ARHGEF7: variants seen among roughly 807,000 people sequenced by gnomAD.
ARHGEF7 encodes the protein Rho guanine nucleotide exchange factor 7, also known as PAK-interacting exchange factor beta.
ARHGEF7 carries 33 observed loss-of-function variants against 109.8 expected under a neutral mutation model. The observed-to-expected ratio is 0.30, with a 90% CI of 0.23 to 0.40. The LOEUF is 0.40. Ranked by LOEUF, ARHGEF7 falls within the 10% of genes least tolerant of loss-of-function variation. The pLI is 1.00. For missense variants in ARHGEF7, 938 were observed against 1,098.5 expected (o/e 0.85, Z 2.07); for synonymous variants, 458 against 424.6 (o/e 1.08, Z -0.97).
rs184252925 is a variant in ARHGEF7 at position 111,220,279 on chromosome 13, G to A, written c.670+2399G>A. ...CTCACCTTTGCCAAGGAGAGTTGAG[G>A]TTACAGAACTGCTAAGTGGGACGCA... On this transcript the variant is annotated intron_variant, in intron 5 of 21. Coordinates refer to ENST00000646102, the MANE Select transcript of ARHGEF7 (RefSeq NM_001354046.2). Among the ~76,000 whole-genome samples, 141 of 152,316 alleles carry A rather than the reference G, an allele frequency of 9.3e-4. 2 individuals carry two copies. The highest frequency in any genetic ancestry group is 6.2e-3 in the South Asian group (30 of 4,830).
At chr13:111,206,507 C>A (rs60237427) in intron 3 of ARHGEF7, among the ~76,000 whole-genome samples, 265 of 152,318 alleles carry the variant, frequency 1.7e-3, no homozygotes, top group African/African-American at 6.1e-3. Flanking sequence ...CACAGCTTGA[C>A]TTCTGAGGTT....
At chr13:111,126,018 G>C (rs924098902) in intron 1 of ARHGEF7, among the ~76,000 whole-genome samples, 2 of 152,208 alleles carry the variant, frequency 1.3e-5, no homozygotes, top group African/African-American at 2.4e-5. Context: ...CCAGGCCTCT[G>C]TTTACCTTGA....
chr13:111,298,686 A>G (rs1180332509), intron 19 of ARHGEF7, among the ~76,000 whole-genome samples: 1 of 152,184 alleles, frequency 6.6e-6, no homozygotes, highest in South Asian at 2.1e-4. Context: ...TATTCCCGAG[A>G]CATAGGTCAC....
chr13:111,204,067 G>T (rs2081487437), intron 2 of ARHGEF7, among the ~76,000 whole-genome samples: 1 of 152,186 alleles, frequency 6.6e-6, no homozygotes, highest in Non-Finnish European at 1.5e-5. Context: ...GGGGAGCCTG[G>T]CTGGGGACCT....
chr13:111,193,422 A>G (rs181521308), intron 2 of ARHGEF7, among the ~76,000 whole-genome samples: 2 of 151,902 alleles, frequency 1.3e-5, no homozygotes, highest in Non-Finnish European at 2.9e-5. Context: ...TTCTCCTTAC[A>G]CTTTGGCAGT....
chr13:111,191,096 G>C (rs149000049), intron 2 of ARHGEF7, among the ~76,000 whole-genome samples: 1,720 of 152,260 alleles, frequency 0.011, 17 homozygotes, highest in Non-Finnish European at 0.019. Context: ...AGGGGTGAAT[G>C]GTCATGCAGG....
At chr13:111,199,821 A>G (rs1022789187) in intron 2 of ARHGEF7, among the ~76,000 whole-genome samples, 2 of 152,156 alleles carry the variant, frequency 1.3e-5, no homozygotes, top group Admixed American at 6.5e-5. Flanking sequence ...GTGCCCAGGA[A>G]CAATCAGCCT....
At chr13:111,301,558 T>C (rs536882747) in intron 21 of ARHGEF7, 26 bp downstream of exon 21, 18 of 1,540,796 alleles carry the variant, frequency 1.2e-5, no homozygotes, top group East Asian at 4.6e-5. Flanking sequence ...TCTTTAAATC[T>C]TTTTTTTCTT....
intron 9 of ARHGEF7, among the ~76,000 whole-genome samples, chr13:111,271,231 G>T (rs139812736): frequency 6.6e-6 from 1 of 152,290 alleles, no homozygotes; most frequent in Non-Finnish European, 1.5e-5. Context: ...TGGTCCTGCT[G>T]TCCACAGAGT....
chr13:111,271,240 G>A (rs2092120375), intron 9 of ARHGEF7, among the ~76,000 whole-genome samples: 1 of 152,180 alleles, frequency 6.6e-6, no homozygotes, highest in Admixed American at 6.5e-5. Flanking sequence ...TGTCCACAGA[G>A]TGCTCACAGT....
intron 1 of ARHGEF7, chr13:111,153,692 A>G (rs1390367624): frequency 1.6e-6 from 2 of 1,281,660 alleles, no homozygotes; most frequent in Non-Finnish European, 2.0e-6. Context: ...AGGGGCAGAG[A>G]TTGGTGCAGC....
At chr13:111,182,271 G>C (rs1383484207) in intron 2 of ARHGEF7, 5 of 152,556 alleles carry the variant, frequency 3.3e-5, no homozygotes, top group Non-Finnish European at 7.3e-5. Flanking sequence ...CTTTTCCTCT[G>C]TACCTAATGG....
intron 9 of ARHGEF7, among the ~76,000 whole-genome samples, chr13:111,268,206 A>G (rs1290745879): frequency 6.6e-6 from 1 of 152,222 alleles, no homozygotes; most frequent in Non-Finnish European, 1.5e-5. Context: ...GATGTTTCTC[A>G]GCTGTTTCAG....
chr13:111,301,721 C>T (rs3742180), intron 21 of ARHGEF7, among the ~76,000 whole-genome samples, 189 bp downstream of exon 21: 23,490 of 152,060 alleles, frequency 0.15, 2,732 homozygotes, highest in East Asian at 0.68. Context: ...GGCAAAAACC[C>T]ATCTCTACTG....
At chr13:111,223,729 G>A (rs2084789892) in intron 5 of ARHGEF7, among the ~76,000 whole-genome samples, 1 of 152,156 alleles carries the variant, frequency 6.6e-6, no homozygotes, top group Non-Finnish European at 1.5e-5. Context: ...TCTAATGCTT[G>A]TGTCAAAAGC....
chr13:111,297,716 G>A (rs1227642627), intron 19 of ARHGEF7, among the ~76,000 whole-genome samples: 1 of 152,230 alleles, frequency 6.6e-6, no homozygotes, highest in Non-Finnish European at 1.5e-5. Context: ...CAGTGGACAC[G>A]TGGCTCATGG....
intron 19 of ARHGEF7, among the ~76,000 whole-genome samples, chr13:111,299,465 C>G (rs2093509236): frequency 6.6e-6 from 1 of 151,330 alleles, no homozygotes. Context: ...GCCTCAGCCT[C>G]CCGAGTAGCT....
In ARHGEF7 at chr13:111,211,073, C is replaced by T. The variant is rs185575408; in HGVS notation, c.468+1071C>T. Among the ~76,000 whole-genome samples, 6 of 152,296 alleles carry T rather than the reference C, an allele frequency of 3.9e-5. No individual in the cohort carries two copies. In the East Asian group the frequency reaches 1.2e-3, roughly 29 times the overall value. On this transcript the variant is annotated intron_variant, in intron 4 of 21. Transcript: ENST00000646102. Reference sequence around the variant, plus strand: ...CAAGCTCGCTATCATTGCTGTGTCTCCTCTTAGAGGATCCCCGAGGGGTCT... The same window carrying T: ...CAAGCTCGCTATCATTGCTGTGTCTTCTCTTAGAGGATCCCCGAGGGGTCT...
At chr13:111,238,308 C>T (rs997782252) in intron 6 of ARHGEF7, among the ~76,000 whole-genome samples, 5 of 152,108 alleles carry the variant, frequency 3.3e-5, no homozygotes, top group African/African-American at 9.7e-5. Flanking sequence ...CTTCCTGAGC[C>T]CAGTTATCTC....
Sources: gnomAD v4.1 joint callset for allele counts (sites outside exome capture counted in the v4.1 genomes callset) on GRCh38, gnomAD v4.1.1 for gene constraint, MANE v1.5 for transcripts, NCBI Gene and HGNC (gene_info 2026-07-23, HGNC 2026-07-21) for gene names.